Variants in GON4L observed in about 807,000 individuals in gnomAD.
The protein encoded by GON4L is gon-4 like, also known as GON-4-like protein.
In GON4L, 87 loss-of-function variants were observed where a neutral mutation model predicts 211.8. The ratio of observed to expected loss-of-function variants is 0.41; its 90% CI spans 0.35 to 0.49. The LOEUF (loss-of-function observed/expected upper bound fraction) is 0.49. Ranked by LOEUF, GON4L falls within the 20% of genes least tolerant of loss-of-function variation. The probability of loss-of-function intolerance (pLI) is 0.15; values close to 1 mark genes in which losing one functional copy is unlikely to be tolerated. For missense variants in GON4L, 2,155 were observed against 2,659.5 expected, an observed-to-expected ratio of 0.81 and a Z score of 4.17; for synonymous variants, 875 against 962.6, an observed-to-expected ratio of 0.91 and a Z score of 1.68.
At position 155,845,514 on chromosome 1, in the gene GON4L, T is replaced by G. The variant is rs186524171; in HGVS notation, c.505+7762A>C. On this transcript the variant is annotated intron_variant, in intron 2 of 31. Transcript: ENST00000368331. ...CTTTTGCGGTCATGGCAAATGAAAG[T>G]ACTTGATGTATCCAGCAGTTTTACA... 19 of 342,932 alleles carry G rather than the reference T, an allele frequency of 5.5e-5. No individual in the cohort carries two copies. The Admixed American group carries it at 6.1e-4, about 11-fold the overall frequency. 21.2% of individuals were successfully genotyped at this position (342,932 alleles called of 1,614,324 possible).
intron 12 of GON4L, among the ~76,000 whole-genome samples, chr1:155,787,533 G>A (rs1427847641): frequency 6.6e-6 from 1 of 152,158 alleles, no homozygotes; most frequent in East Asian, 1.9e-4. Flanking sequence ...AGCACTTTAG[G>A]AGGCCGAGGC....
downstream of GON4L, among the ~76,000 whole-genome samples, chr1:155,745,328 C>A (rs73001012): frequency 1.4e-3 from 217 of 152,360 alleles, no homozygotes; most frequent in African/African-American, 5.0e-3. Flanking sequence ...ATAGCTAGGT[C>A]AGTCCACGGG....
intron 11 of GON4L, among the ~76,000 whole-genome samples, chr1:155,797,204 T>C (rs944565509): frequency 6.6e-6 from 1 of 152,060 alleles, no homozygotes; most frequent in Non-Finnish European, 1.5e-5. Flanking sequence ...AACCTCCACC[T>C]GCTGGGTTCA....
chr1:155,836,488 T>TC (rs1670331343), intron 2 of GON4L, among the ~76,000 whole-genome samples: 1 of 152,024 alleles, frequency 6.6e-6, no homozygotes, highest in African/African-American at 2.4e-5. Flanking sequence ...GACCTCGTGA[T>TC]CCCCCCGCCT....
At chr1:155,764,967 A>C in intron 21 of GON4L, 33 bp downstream of exon 21, 1 of 1,614,118 alleles carries the variant, frequency 6.2e-7, no homozygotes, top group Non-Finnish European at 8.5e-7. Context: ...TACTGAGTCC[A>C]CGAAATACTT....
intron 14 of GON4L, among the ~76,000 whole-genome samples, chr1:155,779,023 T>C (rs1435775050): frequency 1.3e-5 from 2 of 151,672 alleles, no homozygotes; most frequent in Non-Finnish European, 1.5e-5. Context: ...TCCCAGCACT[T>C]TGGGAGGCAG....
At chr1:155,762,448 AC>A in intron 22 of GON4L, 74 bp from the exon 23 acceptor site, 2 of 1,217,054 alleles carry the variant, frequency 1.6e-6, no homozygotes, top group Non-Finnish European at 2.3e-6. Flanking sequence ...CACATGCACC[AC>A]CCCAGCCAAA....
Position 155,749,690 on chromosome 1 carries a change from A to T in GON4L, c.*894T>A. On this transcript the variant is annotated 3_prime_UTR_variant, in exon 32 of 32. Transcript: ENST00000368331. The stretch of plus-strand genomic sequence containing the variant: ...GTATGGGAGAGGTTTTACTATCTCC[A>T]TTCCTGGATTAAAAGTGCTGAAAAA... 1.5e-6 allele frequency: 2 copies of T among 1,344,970 alleles called. No individual in the cohort carries two copies. Among genetic ancestry groups the T allele is most frequent in the Non-Finnish European group, 1.9e-6 (2 of 1,029,544 alleles). 83.3% of individuals were successfully genotyped at this position (1,344,970 alleles called of 1,614,324 possible).
intron 7 of GON4L, 138 bp downstream of exon 7, chr1:155,816,074 A>G: frequency 1.4e-6 from 1 of 700,042 alleles, no homozygotes; most frequent in East Asian, 2.7e-5. Flanking sequence ...ATACAAACCT[A>G]AGAGTAATAG....
intron 2 of GON4L, among the ~76,000 whole-genome samples, chr1:155,849,773 C>CAAAA (rs11330008): frequency 6.1e-4 from 47 of 77,222 alleles, no homozygotes; most frequent in African/African-American, 1.2e-3. Flanking sequence ...GACTCCGTCT[C>CAAAA]AAAAAAAAAA....
intron 2 of GON4L, chr1:155,845,705 A>G (rs1671172012): frequency 3.3e-6 from 1 of 302,118 alleles, no homozygotes; most frequent in African/African-American, 2.2e-5. Flanking sequence ...TGAAATCATG[A>G]AAAGATACTG....
chr1:155,764,532 C>T (rs1391241816), intron 21 of GON4L: 5 of 314,620 alleles, frequency 1.6e-5, no homozygotes, highest in South Asian at 2.9e-5. Flanking sequence ...CTCTGTCTCT[C>T]GGGCTCAAGC....
chr1:155,857,580 T>C (rs183276505), upstream of GON4L, among the ~76,000 whole-genome samples: 1 of 152,104 alleles, frequency 6.6e-6, no homozygotes, highest in African/African-American at 2.4e-5. Context: ...ATATACAAAA[T>C]TAGCTGGGCG....
rs770720942 is a variant in GON4L at position 155,815,821 on chromosome 1, T to C, written c.1145A>G (p.Asp382Gly). The change falls in exon 8 of 32, where the codon GAT becomes GGT. Residue 382 changes from aspartate to glycine, a missense_variant. Coordinates refer to ENST00000368331, the MANE Select transcript of GON4L (RefSeq NM_001282860.2). ...EEYQPDDEEEDETAEESLLES... is the reference protein window; with the variant it reads ...EEYQPDDEEEGETAEESLLES... Reference sequence around the variant, plus strand: ...TTCACTGACCTCTTCAGCAGTTTCATCTTCTTCTTCATCATCCGGCTGGTA... The same window carrying C: ...TTCACTGACCTCTTCAGCAGTTTCACCTTCTTCTTCATCATCCGGCTGGTA... The C allele has an allele frequency of 6.3e-7, 1 of 1,598,942 alleles. No individual in the cohort carries two copies. The highest frequency in any genetic ancestry group is 1.1e-5 in the South Asian group (1 of 90,718).
At chr1:155,787,734 A>G (rs190394731) in intron 12 of GON4L, among the ~76,000 whole-genome samples, 42 of 152,132 alleles carry the variant, frequency 2.8e-4, no homozygotes, top group African/African-American at 7.0e-4. Flanking sequence ...TACAGCACCA[A>G]TGCACTCCAG....
At chr1:155,859,281 A>G (rs1307920347), upstream of GON4L, 1 of 154,746 alleles carries the variant, frequency 6.5e-6, no homozygotes, top group Non-Finnish European at 1.4e-5. Flanking sequence ...GATTTCATAT[A>G]ATAATCTACC....
intron 12 of GON4L, among the ~76,000 whole-genome samples, chr1:155,788,795 A>G (rs1040758395): frequency 6.6e-6 from 1 of 152,154 alleles, no homozygotes; most frequent in African/African-American, 2.4e-5. Flanking sequence ...ATAACCTGTG[A>G]TTAAGAAAAA....
At chr1:155,854,237 C>G (rs1484671329) in intron 1 of GON4L, among the ~76,000 whole-genome samples, 2 of 152,162 alleles carry the variant, frequency 1.3e-5, no homozygotes, top group East Asian at 3.8e-4. Flanking sequence ...CTGCAACCTC[C>G]GCCTCTCGCG....
intron 24 of GON4L, among the ~76,000 whole-genome samples, chr1:155,759,919 T>C (rs1661595042): frequency 6.7e-6 from 1 of 148,664 alleles, no homozygotes; most frequent in African/African-American, 2.4e-5. Flanking sequence ...TTGTATACTA[T>C]ATATTTTGCT....
Sources: gnomAD v4.1 joint callset for allele counts (sites outside exome capture counted in the v4.1 genomes callset) on GRCh38, gnomAD v4.1.1 for gene constraint, MANE v1.5 for transcripts, NCBI Gene and HGNC (gene_info 2026-07-23, HGNC 2026-07-21) for gene names.